The following CDH13 variants were observed in gnomAD, a reference collection of about 807,000 sequenced individuals.
The protein encoded by CDH13 is cadherin-13.
In CDH13, 24 loss-of-function variants were observed where a neutral mutation model predicts 63.8. That is an observed-to-expected ratio of 0.38 (90% CI 0.27 to 0.53). The LOEUF (loss-of-function observed/expected upper bound fraction) is 0.53. Ranked by LOEUF, CDH13 falls within the 20% of genes least tolerant of loss-of-function variation. The probability of loss-of-function intolerance (pLI) is 0.85; values close to 1 mark genes in which losing one functional copy is unlikely to be tolerated. For missense variants in CDH13, 1,049 were observed against 903.1 expected (o/e 1.16, Z -2.07); for synonymous variants, 503 against 355.3 (o/e 1.42, Z -4.67).
At chr16:82,782,857 G>A (rs1326129499) in intron 1 of CDH13, among the ~76,000 whole-genome samples, 1 of 152,070 alleles carries the variant, frequency 6.6e-6, no homozygotes, top group Non-Finnish European at 1.5e-5. Context: ...TTCTGCGCAG[G>A]GGCCTGGGCG....
At chr16:83,318,819 T>C (rs2090160259) in intron 5 of CDH13, among the ~76,000 whole-genome samples, 1 of 152,120 alleles carries the variant, frequency 6.6e-6, no homozygotes, top group Admixed American at 6.5e-5. Context: ...GTGCTGTCTT[T>C]CTTTTGAAGT....
chr16:83,730,940 T>G (rs970150928), intron 10 of CDH13, among the ~76,000 whole-genome samples: 2 of 152,232 alleles, frequency 1.3e-5, no homozygotes, highest in African/African-American at 4.8e-5. Context: ...CTGTGCTAAT[T>G]CGCTTAGGTT....
chr16:82,973,525 A>C (rs2151374504), intron 2 of CDH13, among the ~76,000 whole-genome samples: 1 of 152,312 alleles, frequency 6.6e-6, no homozygotes, highest in South Asian at 2.1e-4. Context: ...ATACAAAGGA[A>C]AACAAGGTGT....
At chr16:83,209,042 T>G in intron 4 of CDH13, among the ~76,000 whole-genome samples, 1 of 151,872 alleles carries the variant, frequency 6.6e-6, no homozygotes, top group Non-Finnish European at 1.5e-5. Context: ...TCAACTCCAG[T>G]GGGGGTGGCA....
At chr16:82,892,237 G>A (rs11640330) in intron 2 of CDH13, among the ~76,000 whole-genome samples, 4 of 152,154 alleles carry the variant, frequency 2.6e-5, no homozygotes, top group Non-Finnish European at 4.4e-5. Flanking sequence ...ATAACGCTTA[G>A]GATGGTGGTG....
Position 83,624,305 on chromosome 16 carries a change from C to A in CDH13, c.1101+21711C>A, listed in dbSNP as rs184916175. On this transcript the variant is annotated intron_variant, in intron 8 of 13. Coordinates refer to ENST00000567109, the MANE Select transcript of CDH13 (RefSeq NM_001257.5). Reference sequence around the variant, plus strand: ...TCTGGGTCACAGTACCCCCTCAGACCGGGCATTGATTCCCAGGAAATGATG... The same window carrying A: ...TCTGGGTCACAGTACCCCCTCAGACAGGGCATTGATTCCCAGGAAATGATG... Among the ~76,000 whole-genome samples the A allele has an allele frequency of 4.6e-5, 7 of 151,136 alleles. No homozygotes were observed. In the East Asian group the frequency reaches 1.4e-3, roughly 30 times the overall value.
intron 7 of CDH13, among the ~76,000 whole-genome samples, chr16:83,549,747 G>T (rs544813698): frequency 6.6e-6 from 1 of 152,204 alleles, no homozygotes; most frequent in East Asian, 1.9e-4. Context: ...GAAAGGCAAA[G>T]CAAAACTTGT....
At chr16:83,240,804 C>G (rs1177334534) in intron 5 of CDH13, among the ~76,000 whole-genome samples, 3 of 131,946 alleles carry the variant, frequency 2.3e-5, no homozygotes, top group Non-Finnish European at 4.6e-5. Context: ...TCAAGTGATC[C>G]TCCTGTCTCA....
At chr16:83,611,248 C>T (rs1355436455) in intron 8 of CDH13, among the ~76,000 whole-genome samples, 1 of 152,010 alleles carries the variant, frequency 6.6e-6, no homozygotes, top group Admixed American at 6.6e-5. Context: ...CCTCTTCTCT[C>T]TCTGAATGAA....
intron 13 of CDH13, among the ~76,000 whole-genome samples, chr16:83,786,393 G>C (rs1915881254): frequency 6.6e-6 from 1 of 152,160 alleles, no homozygotes; most frequent in Non-Finnish European, 1.5e-5. Context: ...CCTGAGCTCA[G>C]TGCCCTAGAA....
chr16:82,808,056 AGT>A (rs1296167047), intron 1 of CDH13, among the ~76,000 whole-genome samples: 1 of 152,124 alleles, frequency 6.6e-6, no homozygotes, highest in Non-Finnish European at 1.5e-5. Flanking sequence ...GGGAGGAGAG[AGT>A]GTAGTCAGAA....
intron 8 of CDH13, among the ~76,000 whole-genome samples, chr16:83,620,198 C>G (rs892619014): frequency 1.4e-4 from 21 of 152,108 alleles, no homozygotes; most frequent in African/African-American, 4.8e-4. Flanking sequence ...GGAGACCGGC[C>G]TGGCCAACAT....
At chr16:83,738,488 C>A (rs1280701325) in intron 10 of CDH13, among the ~76,000 whole-genome samples, 2 of 152,166 alleles carry the variant, frequency 1.3e-5, no homozygotes, top group Admixed American at 6.5e-5. Context: ...CACAGAGGAC[C>A]AAACTAGCAT....
intron 2 of CDH13, chr16:82,859,342 G>C (rs2039835240): frequency 6.6e-6 from 1 of 152,442 alleles, no homozygotes; most frequent in African/African-American, 2.4e-5. Context: ...TGGATGGCTT[G>C]AGGCCAGAAG....
At chr16:83,687,703 C>G (rs1475675126) in intron 10 of CDH13, among the ~76,000 whole-genome samples, 1 of 152,170 alleles carries the variant, frequency 6.6e-6, no homozygotes, top group Non-Finnish European at 1.5e-5. Context: ...TGTTTTAAAC[C>G]AATCCCAGGA....
chr16:83,287,880 A>G (rs865808883), intron 5 of CDH13, among the ~76,000 whole-genome samples: 74 of 152,288 alleles, frequency 4.9e-4, no homozygotes, highest in African/African-American at 1.7e-3. Context: ...TTGAAACTCA[A>G]AATTAATGCA....
At chr16:82,837,912 G>A (rs2151126135) in intron 1 of CDH13, among the ~76,000 whole-genome samples, 1 of 152,338 alleles carries the variant, frequency 6.6e-6, no homozygotes, top group East Asian at 1.9e-4. Context: ...TGCCAGCCAA[G>A]GGCCAGCCTT....
At chr16:83,524,755 TTGCATGTCTTA>T (rs2074920816) in intron 7 of CDH13, among the ~76,000 whole-genome samples, 1 of 152,040 alleles carries the variant, frequency 6.6e-6, no homozygotes, top group Non-Finnish European at 1.5e-5. Flanking sequence ...CCCGGCCAAA[TTGCATGTCTTA>T]ACACCCCCTC....
At chr16:83,422,690 C>T (rs148661519) in intron 6 of CDH13, among the ~76,000 whole-genome samples, 7 of 152,296 alleles carry the variant, frequency 4.6e-5, no homozygotes, top group African/African-American at 1.7e-4. Flanking sequence ...TTTGACTTCT[C>T]CTCTGACCTC....
Sources: allele counts gnomAD v4.1 joint callset (sites outside exome capture counted in the v4.1 genomes callset), GRCh38; gene constraint gnomAD v4.1.1; transcripts MANE v1.5; gene names NCBI Gene and HGNC (gene_info 2026-07-23, HGNC 2026-07-21).